SBNO2: variants seen among roughly 807,000 people sequenced by gnomAD.
The protein encoded by SBNO2 is strawberry notch homolog 2.
In SBNO2, 89 loss-of-function variants were observed where a neutral mutation model predicts 146.3. That is an observed-to-expected ratio of 0.61 (90% CI 0.51 to 0.73). SBNO2 has a LOEUF of 0.73. Ranked by LOEUF, SBNO2 falls within the 30% of genes least tolerant of loss-of-function variation. The pLI is 0.00. For synonymous variants in SBNO2, 1,147 were observed against 892.6 expected (o/e 1.29, Z -5.08); for missense variants, 2,092 against 2,003.7 (o/e 1.04, Z -0.84).
rs2084021642 is a variant in SBNO2, at chr19:1,108,887, C to T, written c.3508G>A (p.Ala1170Thr). Residue 1170 changes from alanine to threonine, a missense_variant, in exon 31 of 32, where the codon GCG (alanine) becomes ACG (threonine). Coordinates refer to ENST00000361757, the MANE Select transcript of SBNO2 (RefSeq NM_014963.3). ...RLRHHYMLCG[A>T]LLRVWGRIAA... ...ATGCGGCCCCACACGCGCAGCAGCGCGCCGCACAGCATGTAGTGGTGCCGC... is the reference window on the plus strand; with the variant it reads ...ATGCGGCCCCACACGCGCAGCAGCGTGCCGCACAGCATGTAGTGGTGCCGC... 2 of 1,588,664 alleles carry T rather than the reference C, an allele frequency of 1.3e-6. No homozygotes were observed. Among genetic ancestry groups the T allele is most frequent in the Admixed American group, 1.7e-5 (1 of 58,438 alleles).
intron 4 of SBNO2, among the ~76,000 whole-genome samples, chr19:1,145,661 G>A (rs2080183154): frequency 6.6e-6 from 1 of 152,088 alleles, no homozygotes; most frequent in African/African-American, 2.4e-5. Flanking sequence ...CCTCCCCTGT[G>A]CGTCCCCTGA....
At chr19:1,161,908 G>GT (rs1259227927) in intron 1 of SBNO2, among the ~76,000 whole-genome samples, 1 of 89,758 alleles carries the variant, frequency 1.1e-5, no homozygotes, top group African/African-American at 4.6e-5. Context: ...GGGAGCCGCG[G>GT]GGGGGGGGGG....
At chr19:1,120,540 T>A (rs2079889292) in intron 11 of SBNO2, among the ~76,000 whole-genome samples, 1 of 152,116 alleles carries the variant, frequency 6.6e-6, no homozygotes, top group Non-Finnish European at 1.5e-5. Context: ...CGGCTAATTT[T>A]TGTAGTTTTG....
Position 1,119,553 on chromosome 19 carries a change from G to A in SBNO2, c.1336C>T (p.Arg446Trp), listed in dbSNP as rs778112363. The change falls in exon 13 of 32, where the codon CGG becomes TGG. Residue 446 changes from arginine (R) to tryptophan (W), a missense_variant. Physicochemically the swap from Arg to Trp is moderately radical, Grantham distance 101 (BLOSUM62 -3). Transcript: ENST00000361757. ...LGIWGEGTPF[R>W]NFEEFLHAIE... Reference sequence around the variant, plus strand: ...GCGTGCAGGAACTCCTCAAAGTTCCGGAAGGGTGTGCCCTCGCCCCAGATA... The same window carrying A: ...GCGTGCAGGAACTCCTCAAAGTTCCAGAAGGGTGTGCCCTCGCCCCAGATA... The A allele has an allele frequency of 1.8e-5, 29 of 1,611,226 alleles. No individual in the cohort carries two copies. Among genetic ancestry groups the A allele is most frequent in the Middle Eastern group, 1.6e-4 (1 of 6,082 alleles).
chr19:1,118,942 C>T (rs2079864901), intron 14 of SBNO2, 69 bp downstream of exon 14: 3 of 1,493,876 alleles, frequency 2.0e-6, no homozygotes, highest in Non-Finnish European at 2.7e-6. Context: ...GTGGCATCTG[C>T]AAGGCCACGG....
At position 1,144,121 on chromosome 19, in the gene SBNO2, T is replaced by C. The variant is rs531915833; in HGVS notation, c.279+3188A>G. Among the ~76,000 whole-genome samples the C allele has an allele frequency of 2.8e-4, 43 of 151,516 alleles. No homozygotes were observed. Among genetic ancestry groups the C allele is most frequent in the Admixed American group, 1.2e-3 (19 of 15,238 alleles). ...AACCACGCGGCCCAGCCCACAGGCC[T>C]GGGCTGACTCATACCCGTCCCGTCC... is the stretch of plus-strand genomic sequence containing the variant. On this transcript the variant is annotated intron_variant, in intron 4 of 31. Coordinates refer to ENST00000361757, the MANE Select transcript of SBNO2 (RefSeq NM_014963.3). This position sits in a 1 kb window ranked among gnomAD's most constrained non-coding sequence, Gnocchi z 4.1.
chr19:1,169,960 C>T (rs952557451), intron 1 of SBNO2, among the ~76,000 whole-genome samples: 35 of 152,182 alleles, frequency 2.3e-4, no homozygotes, highest in African/African-American at 5.3e-4. Context: ...AACCACACGC[C>T]CACTTCTCTT....
At position 1,126,345 on chromosome 19, in the gene SBNO2, G is replaced by A. The variant is rs2079965470; in HGVS notation, c.441+1259C>T. On this transcript the variant is annotated intron_variant, in intron 5 of 31. Transcript: ENST00000361757. The surrounding 1 kb of genome is among the most constrained non-coding windows in gnomAD (Gnocchi z 4.4). ...CTGGAAGGCTGAGTCACCATTCCCGGTGGGGCTGGCGGGCATTGGGTTTCA... is the reference window on the plus strand; with the variant it reads ...CTGGAAGGCTGAGTCACCATTCCCGATGGGGCTGGCGGGCATTGGGTTTCA... Among the ~76,000 whole-genome samples, 1 of 152,150 alleles carries A rather than the reference G, an allele frequency of 6.6e-6. No homozygotes were observed.
rs1015183893 is a variant in SBNO2, at chr19:1,110,713, C to G, written c.3028+32G>C. The G allele has an allele frequency of 2.5e-6, 4 of 1,611,966 alleles. No homozygotes were observed. Among genetic ancestry groups the G allele is most frequent in the Non-Finnish European group, 2.5e-6 (3 of 1,178,932 alleles). On this transcript the variant is annotated intron_variant, in intron 26 of 31. Coordinates refer to ENST00000361757, the MANE Select transcript of SBNO2 (RefSeq NM_014963.3). This position sits in a 1 kb window ranked among gnomAD's most constrained non-coding sequence, Gnocchi z 4.9. ...TTCCCACGAGCCCCGCACCCACACCCACCCACACCACACCCCGGCACCTGT... is the reference window on the plus strand; with the variant it reads ...TTCCCACGAGCCCCGCACCCACACCGACCCACACCACACCCCGGCACCTGT...
chr19:1,128,085 G>C (rs2079987314), intron 4 of SBNO2: 2 of 512,880 alleles, frequency 3.9e-6, no homozygotes, highest in Non-Finnish European at 7.3e-6. Context: ...AAAAGTGTTG[G>C]GATTACAGGC....
chr19:1,109,077 TC>T lies in SBNO2; in HGVS notation c.3425+57del. On this transcript the variant is annotated intron_variant, in intron 30 of 31. Transcript: ENST00000361757. This position sits in a 1 kb window ranked among gnomAD's most constrained non-coding sequence, Gnocchi z 4.2. ...CTCTCAGGGTCTCGGGAGCCCCCGA[TC>T]CCCGCCTGGGTCGCCGCCATCTGCC... 6.5e-7 allele frequency: 1 copy of T among 1,535,696 alleles called. No homozygotes were observed.
chr19:1,127,235 T>TAG (rs1208561335), intron 5 of SBNO2, among the ~76,000 whole-genome samples: 1 of 152,224 alleles, frequency 6.6e-6, no homozygotes, highest in African/African-American at 2.4e-5. Flanking sequence ...TCCCGTCACC[T>TAG]TCCTGTGCTT....
intron 1 of SBNO2, among the ~76,000 whole-genome samples, chr19:1,163,167 A>C (rs1370969871): frequency 6.6e-6 from 1 of 152,176 alleles, no homozygotes; most frequent in East Asian, 1.9e-4. Flanking sequence ...ATTTGCATAC[A>C]GGGTCTTTGC....
Position 1,154,408 on chromosome 19 carries a change from G to A in SBNO2, c.-126-6C>T, listed in dbSNP as rs974712592. 1 of 423,722 alleles carries A rather than the reference G, an allele frequency of 2.4e-6. No homozygotes were observed. The highest frequency in any genetic ancestry group is 3.6e-5 in the East Asian group (1 of 27,406). 26.2% of individuals were successfully genotyped at this position (423,722 alleles called of 1,614,324 possible). On this transcript the variant is annotated splice_region_variant and splice_polypyrimidine_tract_variant and intron_variant, in intron 1 of 31. Coordinates refer to ENST00000361757, the MANE Select transcript of SBNO2 (RefSeq NM_014963.3). ...GGTGGCGGCAGCATCATGATCTGCA[G>A]AGGGAGACGGGGACGTCCTGAGAGT...
intron 4 of SBNO2, among the ~76,000 whole-genome samples, chr19:1,131,070 C>T (rs2080022928): frequency 6.6e-6 from 1 of 152,180 alleles, no homozygotes; most frequent in South Asian, 2.1e-4. Flanking sequence ...CCGTCCTCTG[C>T]CCACATCTGG....
intron 5 of SBNO2, among the ~76,000 whole-genome samples, chr19:1,125,207 A>C (rs1192399830): frequency 1.3e-5 from 2 of 151,316 alleles, no homozygotes; most frequent in Non-Finnish European, 2.9e-5. Context: ...AAAAAAAAAA[A>C]AATTAGCCAG....
intron 4 of SBNO2, chr19:1,131,987 G>A (rs920665348): frequency 1.8e-5 from 15 of 817,882 alleles, no homozygotes; most frequent in Admixed American, 7.4e-5. Context: ...TCTAGGATGA[G>A]ATGCCGGCTG....
chr19:1,108,504 G>A lies in SBNO2; in HGVS notation c.3817C>T (p.His1273Tyr), dbSNP rs994227782. 8.2e-7 allele frequency: 1 copy of A among 1,219,412 alleles called. No homozygotes were observed. The highest frequency in any genetic ancestry group is 1.0e-6 in the Non-Finnish European group (1 of 977,142). 75.5% of individuals were successfully genotyped at this position (1,219,412 alleles called of 1,614,324 possible). A position where few individuals can be genotyped will look rare whatever the true frequency, so the allele number is the denominator to read the frequency against. ...PPAEAFPPPP[H>Y]FSFPAPLSLD... Reference sequence around the variant, plus strand: ...GACAGCGGCGCCGGGAAAGAGAAGTGCGGGGGCGGCGGGAAGGCCTCGGCC... The same window carrying A: ...GACAGCGGCGCCGGGAAAGAGAAGTACGGGGGCGGCGGGAAGGCCTCGGCC... The change falls in exon 32 of 32, where the codon CAC becomes TAC. Residue 1273 changes from histidine to tyrosine, a missense_variant. By Grantham distance (83) the His-to-Tyr change is moderately conservative. Coordinates refer to ENST00000361757, the MANE Select transcript of SBNO2 (RefSeq NM_014963.3).
rs1445551556 is a variant in SBNO2 at position 1,136,323 on chromosome 19, CTG to C, written c.280-8560_280-8559del. Among the ~76,000 whole-genome samples, 2 of 152,236 alleles carry C rather than the reference CTG, an allele frequency of 1.3e-5. No individual in the cohort carries two copies. Among genetic ancestry groups the C allele is most frequent in the African/African-American group, 2.4e-5 (1 of 41,468 alleles). On this transcript the variant is annotated intron_variant, in intron 4 of 31. Transcript: ENST00000361757. The surrounding 1 kb of genome is among the most constrained non-coding windows in gnomAD (Gnocchi z 4.2). ...GAGGCTGGCACGGCTCCCCAGGAAA[CTG>C]GGCTCCCTTCTGTCAGGGTTCCGGC...
Sources: allele counts gnomAD v4.1 joint callset (sites outside exome capture counted in the v4.1 genomes callset), GRCh38; gene constraint gnomAD v4.1.1; non-coding constraint Gnocchi (gnomAD v3.1); transcripts MANE v1.5; gene names NCBI Gene and HGNC (gene_info 2026-07-23, HGNC 2026-07-21).